Variants in AADACL3 observed in about 807,000 individuals in gnomAD.
The protein encoded by AADACL3 is arylacetamide deacetylase like 3, also known as arylacetamide deacetylase-like 3.
In AADACL3, 13 loss-of-function variants were observed where a neutral mutation model predicts 13.6. That is an observed-to-expected ratio of 0.95 (90% CI 0.62 to 1.52). AADACL3 has a LOEUF of 1.52. Ranked by LOEUF, AADACL3 falls within the 40% of genes most tolerant of loss-of-function variation. AADACL3 has a pLI of 0.00. For synonymous variants in AADACL3, 195 were observed against 197.0 expected (o/e 0.99, Z 0.08); for missense variants, 519 against 499.2 (o/e 1.04, Z -0.38).
chr1:12,721,793 C>T (rs1022497954), intron 3 of AADACL3, among the ~76,000 whole-genome samples: 3 of 152,214 alleles, frequency 2.0e-5, no homozygotes, highest in Admixed American at 6.5e-5. Context: ...AAAACAAACC[C>T]ATTGTCTCTC....
At chr1:12,724,399 A>G (rs1040246814) in intron 3 of AADACL3, among the ~76,000 whole-genome samples, 2 of 152,164 alleles carry the variant, frequency 1.3e-5, no homozygotes, top group Non-Finnish European at 2.9e-5. Context: ...CCACACAAAC[A>G]GTAGTAGCCC....
Position 12,720,878 on chromosome 1 carries a change from T to C in AADACL3, c.386-5T>C. ...AGTGAATCTTAAAAACCATTTATTT[T>C]CTAGAAACCCACCATGGCATATGCT... On this transcript the variant is annotated splice_region_variant and splice_polypyrimidine_tract_variant and intron_variant, in intron 2 of 3. Coordinates refer to ENST00000359318, the MANE Select transcript of AADACL3 (RefSeq NM_001103170.3). The C allele has an allele frequency of 6.2e-7, 1 of 1,609,728 alleles. No homozygotes were observed. The highest frequency in any genetic ancestry group is 8.5e-7 in the Non-Finnish European group (1 of 1,177,100).
intron 1 of AADACL3, 107 bp from the exon 2 acceptor site, chr1:12,719,368 T>C (rs549280967): frequency 1.5e-5 from 16 of 1,049,182 alleles, no homozygotes; most frequent in South Asian, 1.5e-4. Context: ...GACTGCAGTT[T>C]CCAAAAACTC....
intron 3 of AADACL3, among the ~76,000 whole-genome samples, chr1:12,721,460 G>C (rs1414076797): frequency 1.3e-5 from 2 of 152,130 alleles, no homozygotes; most frequent in South Asian, 2.1e-4. Context: ...AAGAGAGATG[G>C]AGAGACAGAG....
At chr1:12,719,384 G>A in intron 1 of AADACL3, 91 bp from the exon 2 acceptor site, 2 of 1,253,762 alleles carry the variant, frequency 1.6e-6, no homozygotes. Flanking sequence ...AACTCCTTTT[G>A]CCACCTGTGG....
Position 12,725,744 on chromosome 1 carries a change from G to A in AADACL3, c.972G>A (p.Ser324=), listed in dbSNP as rs1033735740. 11 of 1,613,980 alleles carry A rather than the reference G, an allele frequency of 6.8e-6. No individual in the cohort carries two copies. The highest frequency in any genetic ancestry group is 1.6e-4 in the Middle Eastern group (1 of 6,084). ...EVSVVLDVMC[S]PLIAEDDIVS... ...GTGTTGTCCTGGATGTGATGTGCTC[G>A]CCCCTGATTGCAGAAGATGACATAG... is the stretch of plus-strand genomic sequence containing the variant. The change falls in exon 4 of 4, where the codon TCG becomes TCA. Residue 324 remains serine (S), a synonymous_variant. Coordinates refer to ENST00000359318, the MANE Select transcript of AADACL3 (RefSeq NM_001103170.3).
chr1:12,716,485 T>C, intron 1 of AADACL3, 141 bp downstream of exon 1: 1 of 1,219,566 alleles, frequency 8.2e-7, no homozygotes, highest in Non-Finnish European at 1.2e-6. Flanking sequence ...TTCTGAAATG[T>C]GCATAATCCC....
Position 12,725,715 on chromosome 1 carries a change from G to GT in AADACL3, c.944dup (p.Ser316LysfsTer16). On this transcript the variant is annotated frameshift_variant, in exon 4 of 4. Transcript: ENST00000359318. LOFTEE classifies it low-confidence loss of function (END_TRUNC). ...CATGAATGAAGCTGCTTACTTGGAA[G>GT]TAAGTGTTGTCCTGGATGTGATGTG... The GT allele has an allele frequency of 6.2e-7, 1 of 1,614,152 alleles. No individual in the cohort carries two copies. The highest frequency in any genetic ancestry group is 1.1e-5 in the South Asian group (1 of 91,076).
At chr1:12,722,756 C>G (rs1569628259) in intron 3 of AADACL3, among the ~76,000 whole-genome samples, 1 of 151,236 alleles carries the variant, frequency 6.6e-6, no homozygotes, top group Non-Finnish European at 1.5e-5. Flanking sequence ...TTTCTGGAAT[C>G]TCTTAGCAAT....
At chr1:12,723,942 G>A (rs1417918374) in intron 3 of AADACL3, among the ~76,000 whole-genome samples, 2 of 151,606 alleles carry the variant, frequency 1.3e-5, no homozygotes, top group Admixed American at 6.6e-5. Flanking sequence ...GCACCACCAC[G>A]CCCGGTTAAT....
At chr1:12,721,594 C>T (rs1484636736) in intron 3 of AADACL3, among the ~76,000 whole-genome samples, 1 of 152,064 alleles carries the variant, frequency 6.6e-6, no homozygotes, top group Admixed American at 6.6e-5. Context: ...AGTTTCACTG[C>T]AGGAACACTT....
intron 3 of AADACL3, among the ~76,000 whole-genome samples, chr1:12,724,599 C>T (rs945800362): frequency 6.6e-6 from 1 of 152,088 alleles, no homozygotes; most frequent in Non-Finnish European, 1.5e-5. Context: ...ATCCACCTGC[C>T]TCACCCTCCT....
intron 3 of AADACL3, among the ~76,000 whole-genome samples, chr1:12,724,036 G>T (rs1309719456): frequency 6.6e-6 from 1 of 152,058 alleles, no homozygotes; most frequent in African/African-American, 2.4e-5. Flanking sequence ...CACCTGCCTC[G>T]GCCTCCCAAA....
rs1638413652 is a variant in AADACL3, at chr1:12,728,226, A to G, written c.*2230A>G. 6.6e-6 allele frequency: 1 copy of G among 152,248 alleles called. No individual in the cohort carries two copies. The allele number at this position is 152,248 out of a possible 1,614,324, so 9.4% of individuals were successfully genotyped here. ...GGGCCAGCTACATGCTAGGCACTGT[A>G]CTGGACCATTTAAATTTGCCACCTC... is the stretch of plus-strand genomic sequence containing the variant. On this transcript the variant is annotated 3_prime_UTR_variant, in exon 4 of 4. Transcript: ENST00000359318.
intron 3 of AADACL3, among the ~76,000 whole-genome samples, chr1:12,723,634 C>A (rs538446979): frequency 3.3e-5 from 5 of 152,024 alleles, no homozygotes; most frequent in African/African-American, 1.2e-4. Context: ...CACACCACCA[C>A]GCCTGGCTAA....
chr1:12,717,968 C>T (rs1191216021), intron 1 of AADACL3, among the ~76,000 whole-genome samples: 1 of 152,078 alleles, frequency 6.6e-6, no homozygotes, highest in Non-Finnish European at 1.5e-5. Flanking sequence ...GGCAACAAAC[C>T]ACAGTCCTGA....
intron 1 of AADACL3, among the ~76,000 whole-genome samples, chr1:12,718,661 C>T (rs532980945): frequency 1.2e-4 from 18 of 152,178 alleles, no homozygotes; most frequent in South Asian, 2.1e-4. Flanking sequence ...CACACCCACC[C>T]GGCTAATTTT....
intron 1 of AADACL3, among the ~76,000 whole-genome samples, chr1:12,718,629 C>T (rs1167835972): frequency 2.0e-5 from 3 of 151,940 alleles, no homozygotes; most frequent in Non-Finnish European, 2.9e-5. Context: ...CTCGAGTAGC[C>T]GGGAATACAG....
At chr1:12,720,981 G>T (rs1274230832) in intron 3 of AADACL3, 35 bp downstream of exon 3, 1 of 1,456,190 alleles carries the variant, frequency 6.9e-7, no homozygotes, top group Admixed American at 1.8e-5. Context: ...AGCCAGCAAG[G>T]AGCAAGGCTC....
Sources: gnomAD v4.1 joint callset for allele counts (sites outside exome capture counted in the v4.1 genomes callset) on GRCh38, gnomAD v4.1.1 for gene constraint, MANE v1.5 for transcripts, NCBI Gene and HGNC (gene_info 2026-07-23, HGNC 2026-07-21) for gene names.